The following PRKG1 variants were observed in gnomAD, a reference collection of about 807,000 sequenced individuals.
The protein encoded by PRKG1 is cGMP-dependent protein kinase 1.
PRKG1 carries 35 observed loss-of-function variants against 88.1 expected under a neutral mutation model. The observed-to-expected ratio is 0.40, with a 90% CI of 0.30 to 0.53. PRKG1 has a LOEUF of 0.53. PRKG1 is among the 20% of genes least tolerant of loss of function. The pLI is 0.59. For synonymous variants in PRKG1, 303 were observed against 292.5 expected, an observed-to-expected ratio of 1.04 and a Z score of -0.37; for missense variants, 540 against 839.8, an observed-to-expected ratio of 0.64 and a Z score of 4.41.
chr10:51,209,846 C>T (rs1355914047), intron 2 of PRKG1, among the ~76,000 whole-genome samples: 1 of 152,120 alleles, frequency 6.6e-6, no homozygotes, highest in Non-Finnish European at 1.5e-5. Context: ...TGGACATATT[C>T]AGGCACAATT....
intron 2 of PRKG1, among the ~76,000 whole-genome samples, chr10:51,456,239 C>T (rs1839581642): frequency 6.6e-6 from 1 of 152,136 alleles, no homozygotes. Context: ...GAAACCGCCC[C>T]CCATGATTTA....
rs115790131 is a variant in PRKG1 at position 51,237,350 on chromosome 10, T to C, written c.478+84020T>C. ...TGTGTAGAATGAAAGCGCAGGGCTC[T>C]AGGGACACATGCTCCGGGAACACAC... On this transcript the variant is annotated intron_variant, in intron 2 of 17. Transcript: ENST00000373980. Among the ~76,000 whole-genome samples, 1,036 of 152,332 alleles carry C rather than the reference T, an allele frequency of 6.8e-3. 7 individuals are homozygous for C. Among genetic ancestry groups the C allele is most frequent in the African/African-American group, 0.024 (979 of 41,580 alleles).
intron 3 of PRKG1, among the ~76,000 whole-genome samples, chr10:51,749,406 C>T (rs371850998): frequency 6.6e-6 from 1 of 152,238 alleles, no homozygotes; most frequent in African/African-American, 2.4e-5. Flanking sequence ...TATAGACAGC[C>T]ACCTTCTCGT....
intron 2 of PRKG1, among the ~76,000 whole-genome samples, chr10:51,204,376 G>A (rs1278210137): frequency 1.3e-5 from 2 of 151,706 alleles, no homozygotes; most frequent in African/African-American, 4.8e-5. Context: ...CCGTGTGTGT[G>A]TGTGTGTGTG....
intron 7 of PRKG1, among the ~76,000 whole-genome samples, chr10:52,068,366 G>T (rs1240398050): frequency 1.3e-5 from 2 of 152,140 alleles, no homozygotes; most frequent in Admixed American, 6.5e-5. Context: ...ATGGGATTAA[G>T]CTCCCAGTAG....
intron 5 of PRKG1, among the ~76,000 whole-genome samples, chr10:52,038,820 C>T (rs546716572): frequency 1.1e-4 from 16 of 151,948 alleles, no homozygotes; most frequent in Non-Finnish European, 1.8e-4. Flanking sequence ...TTTGGGTCCA[C>T]GGATAAAAAC....
At chr10:51,205,127 C>CTATTTTTTTTTTTTTTTTTT (rs1838014663) in intron 2 of PRKG1, among the ~76,000 whole-genome samples, 1 of 64,032 alleles carries the variant, frequency 1.6e-5, no homozygotes, top group African/African-American at 5.8e-5. Flanking sequence ...ATTTTCTTTT[C>CTATTTTTTTTTTTTTTTTTT]TTTTTTTTTT....
intron 8 of PRKG1, among the ~76,000 whole-genome samples, chr10:52,150,183 A>AATAATAATTATTATTATTATTATTATT (rs1554810290): frequency 5.4e-5 from 8 of 147,974 alleles, no homozygotes; most frequent in African/African-American, 2.0e-4. Context: ...TAATAATAAT[A>AATAATAATTATTATTATTATTATTATT]ATTTGATTGG....
intron 5 of PRKG1, among the ~76,000 whole-genome samples, chr10:51,939,030 G>A (rs1471404415): frequency 6.6e-6 from 1 of 151,938 alleles, no homozygotes; most frequent in Non-Finnish European, 1.5e-5. Context: ...CTTTTAAGAA[G>A]TAAAGTCTAA....
rs1554837023 is a variant in PRKG1 at position 51,737,740 on chromosome 10, A to AATTAATTATT, written c.593-66841_593-66840insATTATTATTA. Among the ~76,000 whole-genome samples, 21 of 133,416 alleles carry AATTAATTATT rather than the reference A, an allele frequency of 1.6e-4. No homozygotes were observed. In the East Asian group the frequency reaches 4.6e-3, roughly 30 times the overall value. The allele number at this position is 133,416 out of a possible 152,430, so 87.5% of individuals were successfully genotyped here. On this transcript the variant is annotated intron_variant, in intron 3 of 17. Transcript: ENST00000373980. ...TTATTTATTTATTTATTTATTTATT[A>AATTAATTATT]ATTATTATTATTATTATTATTATTA...
chr10:51,837,595 A>G (rs188338190), intron 4 of PRKG1, among the ~76,000 whole-genome samples: 136 of 152,076 alleles, frequency 8.9e-4, no homozygotes, highest in Middle Eastern at 6.8e-3. Context: ...AGGCCCATTG[A>G]TTCTTCATCT....
intron 4 of PRKG1, among the ~76,000 whole-genome samples, chr10:51,851,120 T>C (rs1840542875): frequency 6.6e-6 from 1 of 152,134 alleles, no homozygotes; most frequent in African/African-American, 2.4e-5. Flanking sequence ...ACTATGCAGC[T>C]GTTAATAGAT....
chr10:52,172,711 G>T (rs1838738842), intron 9 of PRKG1, among the ~76,000 whole-genome samples: 1 of 152,172 alleles, frequency 6.6e-6, no homozygotes. Flanking sequence ...AAACTGCTTT[G>T]CAAGTAAGGT....
At chr10:51,027,831 T>C (rs1843227272) in intron 1 of PRKG1, among the ~76,000 whole-genome samples, 1 of 152,180 alleles carries the variant, frequency 6.6e-6, no homozygotes, top group African/African-American at 2.4e-5. Context: ...TCTTAGTTTC[T>C]TATATGCAAC....
intron 2 of PRKG1, among the ~76,000 whole-genome samples, chr10:51,294,211 T>C (rs1270368024): frequency 6.6e-6 from 1 of 152,148 alleles, no homozygotes; most frequent in East Asian, 1.9e-4. Flanking sequence ...TTCATGAGCT[T>C]TTTAATTTGA....
intron 9 of PRKG1, among the ~76,000 whole-genome samples, chr10:52,248,152 A>G (rs941038489): frequency 2.0e-5 from 3 of 152,220 alleles, no homozygotes; most frequent in Non-Finnish European, 2.9e-5. Flanking sequence ...TGGGCGGGCC[A>G]GGTGTTCCTG....
chr10:51,495,346 C>T (rs1251834846), intron 3 of PRKG1, among the ~76,000 whole-genome samples: 4 of 152,194 alleles, frequency 2.6e-5, no homozygotes, highest in Admixed American at 6.5e-5. Flanking sequence ...CTGCCCGCCT[C>T]GGCCTCCCAA....
chr10:51,909,615 A>G (rs1163551024), intron 5 of PRKG1: 2 of 151,768 alleles, frequency 1.3e-5, no homozygotes, highest in Non-Finnish European at 2.9e-5. Context: ...ATAAAAGGGA[A>G]TGAATGAATG....
At chr10:51,134,974 A>C (rs965164044) in intron 1 of PRKG1, among the ~76,000 whole-genome samples, 1 of 152,200 alleles carries the variant, frequency 6.6e-6, no homozygotes, top group Non-Finnish European at 1.5e-5. Context: ...AATTTGAATA[A>C]CTTATTTACT....
Sources: gnomAD v4.1 joint callset for allele counts (sites outside exome capture counted in the v4.1 genomes callset) on GRCh38, gnomAD v4.1.1 for gene constraint, MANE v1.5 for transcripts, NCBI Gene and HGNC (gene_info 2026-07-23, HGNC 2026-07-21) for gene names.